The following USP49 variants were observed in gnomAD, a reference collection of about 807,000 sequenced individuals.
USP49 encodes the protein ubiquitin specific peptidase 49, also known as ubiquitin carboxyl-terminal hydrolase 49.
USP49 carries 24 observed loss-of-function variants against 58.6 expected under a neutral mutation model. The ratio of observed to expected loss-of-function variants is 0.41; its 90% confidence interval spans 0.30 to 0.58. The LOEUF (loss-of-function observed/expected upper bound fraction) is 0.58. Ranked by LOEUF, USP49 falls within the 20% of genes least tolerant of loss-of-function variation. The pLI is 0.30. For synonymous variants in USP49, 408 were observed against 365.1 expected (o/e 1.12, Z -1.34); for missense variants, 703 against 866.1 (o/e 0.81, Z 2.36).
intron 1 of USP49, chr6:41,894,033 T>C (rs1774852652): frequency 6.6e-6 from 1 of 152,368 alleles, no homozygotes; most frequent in African/African-American, 2.4e-5. Context: ...CAACTCCCCA[T>C]AACACGCACA....
intron 3 of USP49, among the ~76,000 whole-genome samples, chr6:41,807,695 G>C (rs1773166582): frequency 6.6e-6 from 1 of 151,818 alleles, no homozygotes; most frequent in Non-Finnish European, 1.5e-5. Context: ...GCCCACCTCG[G>C]CATTCCAAAG....
chr6:41,808,206 T>C (rs1053801021), intron 3 of USP49, among the ~76,000 whole-genome samples: 1 of 152,108 alleles, frequency 6.6e-6, no homozygotes, highest in Admixed American at 6.6e-5. Context: ...GTGAAGTGGC[T>C]ACTGGTATAA....
chr6:41,798,988 A>G, intron 6 of USP49, 59 bp from the exon 7 acceptor site: 2 of 1,557,528 alleles, frequency 1.3e-6, no homozygotes, highest in Admixed American at 2.0e-5. Flanking sequence ...TCGTAGGTAG[A>G]GGTAGGTATT....
At chr6:41,850,988 T>G (rs1341767039) in intron 3 of USP49, among the ~76,000 whole-genome samples, 1 of 152,024 alleles carries the variant, frequency 6.6e-6, no homozygotes, top group Non-Finnish European at 1.5e-5. Flanking sequence ...GTAAGGAGAT[T>G]AAATCAGTAA....
chr6:41,864,613 C>A (rs1774278972), intron 3 of USP49, among the ~76,000 whole-genome samples: 1 of 151,978 alleles, frequency 6.6e-6, no homozygotes, highest in Non-Finnish European at 1.5e-5. Context: ...GAAGGGAAGG[C>A]CAAAATGCCA....
chr6:41,815,519 T>C (rs927895588), intron 3 of USP49, among the ~76,000 whole-genome samples: 4 of 151,936 alleles, frequency 2.6e-5, no homozygotes, highest in Admixed American at 6.6e-5. Flanking sequence ...GGAGAAGAGA[T>C]TGCTGAATGG....
intron 2 of USP49, among the ~76,000 whole-genome samples, chr6:41,888,980 C>T (rs1005645401): frequency 6.6e-6 from 1 of 151,988 alleles, no homozygotes; most frequent in Non-Finnish European, 1.5e-5. Context: ...AAGATATTTC[C>T]ATTCGTCCCC....
At position 41,849,510 on chromosome 6, in the gene USP49, G is replaced by A. The variant is rs531619875; in HGVS notation, c.-29+22054C>T. Among the ~76,000 whole-genome samples, 5 of 152,224 alleles carry A rather than the reference G, an allele frequency of 3.3e-5. No homozygotes were observed. In the East Asian group the frequency reaches 9.7e-4, roughly 29 times the overall value. ...AGCAGAATATACATTCTTCTCAAGT[G>A]CACATGGAACATCTCTAGGAAAGAC... On this transcript the variant is annotated intron_variant, in intron 3 of 7. Coordinates refer to ENST00000682992, the MANE Select transcript of USP49 (RefSeq NM_001286554.2).
chr6:41,821,476 G>GA (rs1462284534), intron 3 of USP49, among the ~76,000 whole-genome samples: 1 of 152,134 alleles, frequency 6.6e-6, no homozygotes, highest in Non-Finnish European at 1.5e-5. Context: ...CCTTTACTGG[G>GA]AAAGAAAAGT....
intron 3 of USP49, among the ~76,000 whole-genome samples, chr6:41,834,878 C>G (rs987638302): frequency 6.6e-6 from 1 of 152,176 alleles, no homozygotes; most frequent in Non-Finnish European, 1.5e-5. Flanking sequence ...CAAGAACACT[C>G]ACATAGAAAA....
At chr6:41,878,423 G>A (rs1774540795) in intron 2 of USP49, among the ~76,000 whole-genome samples, 1 of 152,128 alleles carries the variant, frequency 6.6e-6, no homozygotes, top group East Asian at 1.9e-4. Context: ...TGAGAGCAAA[G>A]GAATGTGCTT....
intron 2 of USP49, among the ~76,000 whole-genome samples, chr6:41,889,389 G>GCTA (rs1774773143): frequency 6.6e-6 from 1 of 152,152 alleles, no homozygotes; most frequent in South Asian, 2.1e-4. Flanking sequence ...GCTCCTTGAA[G>GCTA]CTACATAAGA....
chr6:41,844,929 C>T (rs1015401978), intron 3 of USP49, among the ~76,000 whole-genome samples: 6 of 152,026 alleles, frequency 3.9e-5, no homozygotes, highest in Admixed American at 3.9e-4. Flanking sequence ...GAGATGGAGT[C>T]TCACTCTGTC....
At chr6:41,865,515 T>C (rs538334694) in intron 3 of USP49, among the ~76,000 whole-genome samples, 2 of 152,144 alleles carry the variant, frequency 1.3e-5, no homozygotes, top group Non-Finnish European at 2.9e-5. Flanking sequence ...TTTATTCATT[T>C]TTATTTTTGG....
At chr6:41,892,845 A>T (rs1266494857) in intron 1 of USP49, among the ~76,000 whole-genome samples, 4 of 152,192 alleles carry the variant, frequency 2.6e-5, no homozygotes, top group Non-Finnish European at 2.9e-5. Flanking sequence ...CCCTAAGTAA[A>T]TCATATGCTA....
chr6:41,798,591 T>C, intron 7 of USP49, 133 bp downstream of exon 7: 8 of 1,576,270 alleles, frequency 5.1e-6, no homozygotes, highest in Non-Finnish European at 6.9e-6. Flanking sequence ...TTCACAATTC[T>C]TTCCACTGGA....
chr6:41,854,408 C>T (rs906455050), intron 3 of USP49, among the ~76,000 whole-genome samples: 10 of 151,660 alleles, frequency 6.6e-5, no homozygotes, highest in Non-Finnish European at 1.3e-4. Flanking sequence ...AAATCACCTG[C>T]GATTTCATTC....
At chr6:41,872,787 T>A (rs1434712069) in intron 2 of USP49, 2 of 148,412 alleles carry the variant, frequency 1.3e-5, no homozygotes, top group African/African-American at 2.5e-5. Context: ...GCGCCTGTAG[T>A]CCCAGCTACT....
intron 5 of USP49, among the ~76,000 whole-genome samples, chr6:41,802,505 G>A (rs9471666): frequency 0.21 from 24,892 of 119,214 alleles, 3,110 homozygotes; most frequent in East Asian, 0.33. Context: ...ACAGCATCTC[G>A]CTCTGTCACC....
Sources: allele counts gnomAD v4.1 joint callset (sites outside exome capture counted in the v4.1 genomes callset), GRCh38; gene constraint gnomAD v4.1.1; transcripts MANE v1.5; gene names NCBI Gene and HGNC (gene_info 2026-07-23, HGNC 2026-07-21).